The following RPN2 variants were observed in gnomAD, a reference collection of about 807,000 sequenced individuals.
The protein encoded by RPN2 is ribophorin II.
RPN2 carries 29 observed loss-of-function variants against 71.4 expected under a neutral mutation model. That is an observed-to-expected ratio of 0.41 (90% CI 0.30 to 0.55). The LOEUF is 0.55. Among genes scored for constraint, RPN2 ranks in the 20% least tolerant of loss-of-function variants. The pLI, the probability that RPN2 is intolerant of heterozygous loss-of-function variation, is 0.35. For synonymous variants in RPN2, 308 were observed against 305.0 expected (o/e 1.01, Z -0.10); for missense variants, 726 against 774.1 (o/e 0.94, Z 0.74).
chr20:37,227,404 A>G (rs2068104348), intron 11 of RPN2, among the ~76,000 whole-genome samples: 1 of 152,200 alleles, frequency 6.6e-6, no homozygotes, highest in African/African-American at 2.4e-5. Context: ...TGGAGGTGGC[A>G]TTTTGGTGAT....
At chr20:37,228,477 G>A (rs1237546474) in intron 11 of RPN2, 73 bp from the exon 12 acceptor site, 12 of 1,420,464 alleles carry the variant, frequency 8.4e-6, no homozygotes, top group African/African-American at 2.8e-5. Context: ...TCTGCTGCCC[G>A]GTGGATTCAA....
At chr20:37,224,730 A>G (rs1051629096) in intron 10 of RPN2, among the ~76,000 whole-genome samples, 1 of 152,180 alleles carries the variant, frequency 6.6e-6, no homozygotes, top group African/African-American at 2.4e-5. Context: ...CCAGACCCCA[A>G]CTTTACTCAA....
At chr20:37,179,552 C>A (rs952051738) in intron 1 of RPN2, 183 bp downstream of exon 1, 51 of 1,374,278 alleles carry the variant, frequency 3.7e-5, no homozygotes, top group Non-Finnish European at 4.5e-5. Flanking sequence ...TGGGAGTGCC[C>A]GCGACCTGGC....
chr20:37,198,993 C>A, intron 3 of RPN2, 57 bp from the exon 4 acceptor site: 2 of 1,421,928 alleles, frequency 1.4e-6, no homozygotes, highest in Non-Finnish European at 2.0e-6. Flanking sequence ...TTTGCCATGC[C>A]TGCCACAAAT....
At position 37,185,504 on chromosome 20, in the gene RPN2, T is replaced by C. The variant is rs372578230; in HGVS notation, c.207+1131T>C. Among the ~76,000 whole-genome samples the C allele has an allele frequency of 2.0e-5, 3 of 152,332 alleles. No individual in the cohort carries two copies. In the South Asian group the frequency reaches 6.2e-4, roughly 32 times the overall value. ...TATGGACAACTAGACTAAACAATTTTCCTTTGCCAAGTTTCTCATATCTGC... is the reference window on the plus strand; with the variant it reads ...TATGGACAACTAGACTAAACAATTTCCCTTTGCCAAGTTTCTCATATCTGC... On this transcript the variant is annotated intron_variant, in intron 2 of 16. Coordinates refer to ENST00000237530, the MANE Select transcript of RPN2 (RefSeq NM_002951.5).
chr20:37,211,681 G>A (rs1243109716), intron 8 of RPN2, among the ~76,000 whole-genome samples: 1 of 148,702 alleles, frequency 6.7e-6, no homozygotes, highest in Non-Finnish European at 1.5e-5. Context: ...TGCTTTATAT[G>A]TAACAATGTG....
At chr20:37,209,400 C>T (rs914937957) in intron 7 of RPN2, among the ~76,000 whole-genome samples, 2 of 152,102 alleles carry the variant, frequency 1.3e-5, no homozygotes, top group African/African-American at 4.8e-5. Context: ...CTTAAGTGAT[C>T]CTCCCATCTC....
At chr20:37,233,902 C>A in intron 14 of RPN2, 118 bp from the exon 15 acceptor site, 2 of 1,101,438 alleles carry the variant, frequency 1.8e-6, no homozygotes, top group Non-Finnish European at 2.7e-6. Context: ...GCCTGTCCTT[C>A]TAGGATGCAT....
chr20:37,207,219 C>T, intron 6 of RPN2, 54 bp from the exon 7 acceptor site: 1 of 1,470,122 alleles, frequency 6.8e-7, no homozygotes, highest in Non-Finnish European at 9.5e-7. Flanking sequence ...AGCAGTGGCC[C>T]TCCCACCTTC....
chr20:37,236,723 T>G lies in RPN2; in HGVS notation c.1883+14T>G, dbSNP rs1460745598. On this transcript the variant is annotated intron_variant, in intron 16 of 16. Coordinates refer to ENST00000237530, the MANE Select transcript of RPN2 (RefSeq NM_002951.5). ...GGCAGTCAAGAGGTAAGGCCAGACA[T>G]GAGCCAGGGATCTAGAGTAGGGTTA... 16 of 1,613,562 alleles carry G rather than the reference T, an allele frequency of 9.9e-6. No homozygotes were observed. The highest frequency in any genetic ancestry group is 1.4e-5 in the Non-Finnish European group (16 of 1,179,654).
At chr20:37,235,703 T>C (rs1017104775) in intron 15 of RPN2, among the ~76,000 whole-genome samples, 11 of 152,164 alleles carry the variant, frequency 7.2e-5, no homozygotes, top group Non-Finnish European at 1.5e-4. Flanking sequence ...CAGGCTGGAG[T>C]GCAACGGTGC....
rs1210420453 is a variant in RPN2 at position 37,184,261 on chromosome 20, A to G, written c.95A>G (p.His32Arg). 2 of 1,614,032 alleles carry G rather than the reference A, an allele frequency of 1.2e-6. No homozygotes were observed. The highest frequency in any genetic ancestry group is 3.3e-5 in the Admixed American group (2 of 60,002). ...ACGCCCACTCACTACCTCACCAAGC[A>G]TGACGTGGAGAGACTAAAAGCCTCG... Reference protein sequence around the residue: ...ALTPTHYLTKHDVERLKASLD... With the variant: ...ALTPTHYLTKRDVERLKASLD... The change falls in exon 2 of 17, where the codon CAT (histidine) becomes CGT (arginine). Residue 32 changes from histidine (H) to arginine (R), a missense_variant. By Grantham distance (29) the His-to-Arg change is conservative. Transcript: ENST00000237530.
intron 15 of RPN2, 113 bp from the exon 16 acceptor site, chr20:37,236,467 G>T (rs919628687): frequency 2.7e-6 from 3 of 1,107,446 alleles, no homozygotes; most frequent in African/African-American, 3.1e-5. Context: ...AAACAAGCTG[G>T]TATAGGAGTA....
rs2067619341 is a variant in RPN2 at position 37,210,029 on chromosome 20, T to C, written c.868-18T>C. On this transcript the variant is annotated intron_variant, in intron 7 of 16. Transcript: ENST00000237530. ...CTGTAGCCTTTGTTGTAACAAATAA[T>C]TTTTTATTTATTTCCAGTTGCAAGT... 1 of 1,612,866 alleles carries C rather than the reference T, an allele frequency of 6.2e-7. No homozygotes were observed. The highest frequency in any genetic ancestry group is 1.7e-5 in the Admixed American group (1 of 60,006).
At chr20:37,184,519 G>T in intron 2 of RPN2, 146 bp downstream of exon 2, 2 of 818,150 alleles carry the variant, frequency 2.4e-6, no homozygotes, top group Middle Eastern at 3.4e-4. Flanking sequence ...TTGGCCAGGC[G>T]TGGTGACTCA....
intron 2 of RPN2, among the ~76,000 whole-genome samples, chr20:37,188,934 T>C (rs1219690662): frequency 1.3e-5 from 2 of 151,772 alleles, no homozygotes; most frequent in Non-Finnish European, 2.9e-5. Context: ...CCAATTGATG[T>C]CTTTTTTTGT....
chr20:37,228,460 A>G (rs2068138551), intron 11 of RPN2, 90 bp from the exon 12 acceptor site: 3 of 1,298,136 alleles, frequency 2.3e-6, no homozygotes, highest in Non-Finnish European at 3.3e-6. Flanking sequence ...CAAAGCGCTA[A>G]TAACCGTCTG....
intron 13 of RPN2, among the ~76,000 whole-genome samples, chr20:37,231,590 TA>T (rs2068248655): frequency 6.6e-6 from 1 of 151,986 alleles, no homozygotes; most frequent in African/African-American, 2.4e-5. Context: ...CGCGTACCTG[TA>T]GTCCCAACTA....
chr20:37,235,170 A>G (rs2068352782), intron 15 of RPN2, among the ~76,000 whole-genome samples: 1 of 152,126 alleles, frequency 6.6e-6, no homozygotes, highest in East Asian at 1.9e-4. Context: ...TGACCTCAGA[A>G]GTGGTTAAGA....
Sources: allele counts gnomAD v4.1 joint callset (sites outside exome capture counted in the v4.1 genomes callset), GRCh38; gene constraint gnomAD v4.1.1; transcripts MANE v1.5; gene names NCBI Gene and HGNC (gene_info 2026-07-23, HGNC 2026-07-21).